KIF7: variants seen among roughly 807,000 people sequenced by gnomAD.
The protein encoded by KIF7 is kinesin family member 7, also known as kinesin-like protein KIF7.
Under a neutral mutation model 135.7 loss-of-function variants are expected in KIF7, and 104 were observed. The ratio of observed to expected loss-of-function variants is 0.77; its 90% CI spans 0.65 to 0.90. KIF7 has a LOEUF of 0.90. Among genes scored for constraint, KIF7 ranks in the 40% least tolerant of loss-of-function variants. The pLI is 0.00. For missense variants in KIF7, 2,005 were observed against 1,839.1 expected (o/e 1.09, Z -1.65); for synonymous variants, 883 against 809.4 (o/e 1.09, Z -1.54).
rs78432130 is a variant in KIF7, at chr15:89,643,261, T to G, written c.2192-856A>C. 8.4e-3 allele frequency among the ~76,000 whole-genome samples: 1,274 copies of G among 152,378 alleles called. 26 individuals are homozygous for G. Among genetic ancestry groups the G allele is most frequent in the African/African-American group, 0.029 (1,225 of 41,588 alleles). On this transcript the variant is annotated intron_variant, in intron 10 of 18. Coordinates refer to ENST00000394412, the MANE Select transcript of KIF7 (RefSeq NM_198525.3). ...ATGTGTACTGACCATTTACAGATTT[T>G]TCTTATCATCATTACCTAAACAATA... is the stretch of plus-strand genomic sequence containing the variant.
chr15:89,649,620 C>G, intron 3 of KIF7, 121 bp downstream of exon 3: 1 of 1,196,838 alleles, frequency 8.4e-7, no homozygotes. Context: ...AAAGCAAAAC[C>G]TCCCAGGGCT....
chr15:89,633,631 G>A (rs1402942308), intron 12 of KIF7, 55 bp downstream of exon 12: 46 of 1,576,846 alleles, frequency 2.9e-5, no homozygotes, highest in Admixed American at 7.0e-5. Flanking sequence ...TGGCTGGGCC[G>A]CCAGCTCAGC....
chr15:89,642,162 G>C, intron 11 of KIF7, 41 bp downstream of exon 11: 1 of 1,592,190 alleles, frequency 6.3e-7, no homozygotes, highest in Admixed American at 1.7e-5. Context: ...CTAGGAGGCA[G>C]GAGTCACCCC....
rs1429326502 is a variant in KIF7, at chr15:89,642,225, G to C, written c.2372C>G (p.Ala791Gly). The change falls in exon 11 of 19, where the codon GCT (alanine) becomes GGT (glycine). Residue 791 changes from alanine (A) to glycine (G), a missense_variant. Transcript: ENST00000394412. ...AACCTGCACCTGGCTCTGGGCCGCA[G>C]CGACCCTCCTGCGGAACTCCTGGAG... ...SRLQEFRRRV[A>G]AAQSQVQVLK... 2.5e-6 allele frequency: 4 copies of C among 1,610,302 alleles called. No homozygotes were observed. Among genetic ancestry groups the C allele is most frequent in the African/African-American group, 1.3e-5 (1 of 74,856 alleles).
rs1230102282 is a variant in KIF7, at chr15:89,629,238, G to A, written c.3518-116C>T. 22 of 1,098,000 alleles carry A rather than the reference G, an allele frequency of 2.0e-5. 1 individual carries two copies. The highest frequency in any genetic ancestry group is 1.1e-4 in the Admixed American group (5 of 46,012). The allele number at this position is 1,098,000 out of a possible 1,614,324, so 68.0% of individuals were successfully genotyped here. A position where few individuals can be genotyped will look rare whatever the true frequency, so the allele number is the denominator to read the frequency against. ...GGGCCGGGGTTGTGAGCGGTGGGCCGGGCCACCAGGGCTGTAGGTGCAGGG... is the reference window on the plus strand; with the variant it reads ...GGGCCGGGGTTGTGAGCGGTGGGCCAGGCCACCAGGGCTGTAGGTGCAGGG... On this transcript the variant is annotated intron_variant, in intron 17 of 18. Coordinates refer to ENST00000394412, the MANE Select transcript of KIF7 (RefSeq NM_198525.3).
chr15:89,653,755 T>C (rs952137319), intron 1 of KIF7, among the ~76,000 whole-genome samples: 7 of 23,364 alleles, frequency 3.0e-4, no homozygotes, highest in African/African-American at 9.3e-4. Flanking sequence ...TTAGTATTAG[T>C]ATTAGTATTA....
At position 89,628,986 on chromosome 15, in the gene KIF7, GCCTACAGCGTTC is replaced by G. The variant is rs1372324907; in HGVS notation, c.3642_3653del (p.Asn1215_Gly1218del). On this transcript the variant is annotated inframe_deletion, in exon 18 of 19. Coordinates refer to ENST00000394412, the MANE Select transcript of KIF7 (RefSeq NM_198525.3). ...GCGACGAGGAGTTACCCCTGCTGTGGCCTACAGCGTTCACACCGCCGAGCTTCTGTTTCAGTT... is the reference window on the plus strand; with the variant it reads ...GCGACGAGGAGTTACCCCTGCTGTGGACACCGCCGAGCTTCTGTTTCAGTT... 1.9e-6 allele frequency: 3 copies of G among 1,613,788 alleles called. No individual in the cohort carries two copies. The highest frequency in any genetic ancestry group is 2.5e-6 in the Non-Finnish European group (3 of 1,179,964).
In KIF7 at chr15:89,629,724, C is replaced by T. The variant is rs1596065177; in HGVS notation, c.3319-151G>A. ...TGCTGAGCCAAGACTCAGCCTCAGA[C>T]ACCTCAGCAGTGCTCTAGTTATCTT... On this transcript the variant is annotated intron_variant, in intron 16 of 18. Coordinates refer to ENST00000394412, the MANE Select transcript of KIF7 (RefSeq NM_198525.3). 5.1e-6 allele frequency: 5 copies of T among 988,044 alleles called. No individual in the cohort carries two copies. The East Asian group carries it at 1.0e-4, about 21-fold the overall frequency. The allele number at this position is 988,044 out of a possible 1,614,324, so 61.2% of individuals were successfully genotyped here. A position where few individuals can be genotyped will look rare whatever the true frequency, so the allele number is the denominator to read the frequency against.
In KIF7 at chr15:89,633,703, G is replaced by C. The variant is rs145701524; in HGVS notation, c.2575C>G (p.Arg859Gly). The C allele has an allele frequency of 6.2e-7, 1 of 1,607,632 alleles. No homozygotes were observed. ...AGCCTGACCTTGACGCGGTGCTGCCGCTTGCTCATTTCTGCCTCCAGGCGC... is the reference window on the plus strand; with the variant it reads ...AGCCTGACCTTGACGCGGTGCTGCCCCTTGCTCATTTCTGCCTCCAGGCGC... The part of the protein sequence containing the change: ...KRRLEAEMSK[R>G]QHRVKELELK... Residue 859 changes from arginine to glycine, a missense_variant, in exon 12 of 19, where the codon CGG becomes GGG. Transcript: ENST00000394412.
chr15:89,625,888 C>T (rs767131871), downstream of KIF7: 44 of 1,542,460 alleles, frequency 2.9e-5, no homozygotes, highest in African/African-American at 4.1e-5. Context: ...CTGGGCTTCC[C>T]GGTTGGGGGT....
chr15:89,627,591 A>G (rs1963557368), downstream of KIF7: 1 of 155,900 alleles, frequency 6.4e-6, no homozygotes, highest in Admixed American at 6.3e-5. Flanking sequence ...AATCATCTCT[A>G]GTGACTGAGC....
chr15:89,632,602 C>T (rs1466516171), intron 14 of KIF7, among the ~76,000 whole-genome samples: 1 of 152,184 alleles, frequency 6.6e-6, no homozygotes, highest in African/African-American at 2.4e-5. Context: ...CTGTCTGGAA[C>T]TTACCTGGCA....
chr15:89,617,850 C>G (rs1963360222), intron 2 of KIF7, among the ~76,000 whole-genome samples: 1 of 152,130 alleles, frequency 6.6e-6, no homozygotes, highest in Admixed American at 6.5e-5. Context: ...TGCCACCACG[C>G]CCAGCTAATT....
chr15:89,618,230 G>C lies in KIF7; in HGVS notation c.181-35C>G, dbSNP rs8026550. On this transcript the variant is annotated intron_variant and NMD_transcript_variant, in intron 1 of 2. Coordinates refer to the KIF7 transcript ENST00000558928. ...GAGATGGTGAGTGTTATCTCTTTTT[G>C]TTTTTAATGCAATCTACCCAGCTTC... 3.9e-3 allele frequency: 6,313 copies of C among 1,609,862 alleles called. 234 individuals are homozygous for C. The African/African-American group carries it at 0.075, about 19-fold the overall frequency.
intron 16 of KIF7, chr15:89,630,086 A>C (rs1014548524): frequency 4.8e-6 from 3 of 619,508 alleles, no homozygotes; most frequent in Non-Finnish European, 8.6e-6. Flanking sequence ...TCAGAGCAGA[A>C]GTGGGGGGCG....
Position 89,652,861 on chromosome 15 carries a change from G to A in KIF7, c.70C>T (p.Pro24Ser). Reference sequence around the variant, plus strand: ...TGCAGCAGCTCCTTGGGCAGCAGTGGTCGAACTCGCAGGGCAACCCGCACT... The same window carrying A: ...TGCAGCAGCTCCTTGGGCAGCAGTGATCGAACTCGCAGGGCAACCCGCACT... ...APVRVALRVRPLLPKELLHGH... is the reference protein window; with the variant it reads ...APVRVALRVRSLLPKELLHGH... Residue 24 changes from proline to serine, a missense_variant, in exon 2 of 19, where the codon CCA (proline) becomes TCA (serine). Pro to Ser is a moderately conservative substitution (Grantham distance 74). Transcript: ENST00000394412. 1 of 1,547,268 alleles carries A rather than the reference G, an allele frequency of 6.5e-7. No homozygotes were observed. The highest frequency in any genetic ancestry group is 2.4e-5 in the East Asian group (1 of 40,878).
chr15:89,628,524 C>G lies in KIF7; in HGVS notation c.3927G>C (p.Val1309=). Residue 1309 remains valine, a synonymous_variant, in exon 19 of 19, where the codon GTG becomes GTC. Coordinates refer to ENST00000394412, the MANE Select transcript of KIF7 (RefSeq NM_198525.3). ...AGTTCCAGGGCAGGCCTGCCTCACC[C>G]ACAGGAAGCACCCGCCCCACCAGGG... is the stretch of plus-strand genomic sequence containing the variant. The part of the protein sequence containing the change: ...AEPLVGRVLP[V]GEAGLPWNFG... 6.2e-7 allele frequency: 1 copy of G among 1,613,166 alleles called. No individual in the cohort carries two copies. Among genetic ancestry groups the G allele is most frequent in the Non-Finnish European group, 8.5e-7 (1 of 1,179,966 alleles).
At chr15:89,633,975 G>A (rs1027733334) in intron 11 of KIF7, 92 bp from the exon 12 acceptor site, 1 of 1,364,638 alleles carries the variant, frequency 7.3e-7, no homozygotes. Context: ...GCAGATAGAG[G>A]GCAAATGGGT....
At chr15:89,641,405 G>A (rs1318303562) in intron 11 of KIF7, among the ~76,000 whole-genome samples, 3 of 152,146 alleles carry the variant, frequency 2.0e-5, no homozygotes, top group African/African-American at 7.2e-5. Flanking sequence ...GTTTGCTATG[G>A]CAGCTGTAGC....
Sources: allele counts gnomAD v4.1 joint callset (sites outside exome capture counted in the v4.1 genomes callset), GRCh38; gene constraint gnomAD v4.1.1; transcripts MANE v1.5; gene names NCBI Gene and HGNC (gene_info 2026-07-23, HGNC 2026-07-21).